The following ZNF777 variants were observed in gnomAD, a reference collection of about 807,000 sequenced individuals.
ZNF777 encodes the protein zinc finger protein 777.
Under a neutral mutation model 72.1 loss-of-function variants are expected in ZNF777, and 7 were observed. The observed-to-expected ratio is 0.10, with a 90% CI of 0.06 to 0.18. ZNF777 has a LOEUF of 0.18. ZNF777 is among the 10% of genes least tolerant of loss of function. The probability of loss-of-function intolerance (pLI) is 1.00; values close to 1 mark genes in which losing one functional copy is unlikely to be tolerated. For missense variants in ZNF777, 828 were observed against 1,128.6 expected (o/e 0.73, Z 3.82); for synonymous variants, 545 against 483.5 (o/e 1.13, Z -1.67).
rs528437544 is a variant in ZNF777 at position 149,436,483 on chromosome 7, T to A, written c.1339+92A>T. 13 of 1,448,962 alleles carry A rather than the reference T, an allele frequency of 9.0e-6. No homozygotes were observed. The Admixed American group carries it at 1.1e-4, about 12-fold the overall frequency. 89.8% of individuals were successfully genotyped at this position (1,448,962 alleles called of 1,614,324 possible). A position where few individuals can be genotyped will look rare whatever the true frequency, so the allele number is the denominator to read the frequency against. ...GTTGCCCCATCAGTGTCCAGCTACC[T>A]CTCTGAAGGAACCACAGCTTTCCCA... is the stretch of plus-strand genomic sequence containing the variant. On this transcript the variant is annotated intron_variant, in intron 5 of 5. Coordinates refer to ENST00000247930, the MANE Select transcript of ZNF777 (RefSeq NM_015694.3). The surrounding 1 kb of genome is among the most constrained non-coding windows in gnomAD (Gnocchi z 5.0).
At position 149,455,939 on chromosome 7, in the gene ZNF777, G is replaced by A. The variant is rs1241734584; in HGVS notation, c.84C>T (p.Pro28=). The A allele has an allele frequency of 3.7e-6, 6 of 1,613,622 alleles. No homozygotes were observed. In the African/African-American group the frequency reaches 8.0e-5, roughly 22 times the overall value. Residue 28 remains proline, a synonymous_variant, in exon 2 of 6, where the codon CCC becomes CCT. Coordinates refer to ENST00000247930, the MANE Select transcript of ZNF777 (RefSeq NM_015694.3). This position sits in a 1 kb window ranked among gnomAD's most constrained non-coding sequence, Gnocchi z 4.2. The part of the protein sequence containing the change: ...ETLRQAPAGL[P]RETLFQSRVL... ...CGCGGGATTGGAACAGAGTTTCTCG[G>A]GGGAGTCCAGCAGGGGCCTGACGTA...
At chr7:149,450,480 C>A (rs1799692691) in intron 4 of ZNF777, among the ~76,000 whole-genome samples, 1 of 152,218 alleles carries the variant, frequency 6.6e-6, no homozygotes, top group Non-Finnish European at 1.5e-5. Flanking sequence ...CAGATACAGT[C>A]AGCCTCACAC....
At chr7:149,459,831 G>A in intron 1 of ZNF777, 1 of 984,812 alleles carries the variant, frequency 1.0e-6, no homozygotes, top group Non-Finnish European at 1.2e-6. Context: ...CGCAGCGCGG[G>A]CCCCGCAGGG....
chr7:149,460,214 G>A lies in ZNF777; in HGVS notation c.-16+601C>T. 1.7e-6 allele frequency: 1 copy of A among 585,276 alleles called. No individual in the cohort carries two copies. The highest frequency in any genetic ancestry group is 2.1e-6 in the Non-Finnish European group (1 of 467,382). 36.3% of individuals were successfully genotyped at this position (585,276 alleles called of 1,614,324 possible). ...TACTGCCGCCGCCGCTACTGCGCGCGGCCCCACGCAGGCCCGGCCGCCCGG... is the reference window on the plus strand; with the variant it reads ...TACTGCCGCCGCCGCTACTGCGCGCAGCCCCACGCAGGCCCGGCCGCCCGG... On this transcript the variant is annotated intron_variant, in intron 1 of 5. Coordinates refer to ENST00000247930, the MANE Select transcript of ZNF777 (RefSeq NM_015694.3). This position sits in a 1 kb window ranked among gnomAD's most constrained non-coding sequence, Gnocchi z 6.1.
intron 4 of ZNF777, among the ~76,000 whole-genome samples, chr7:149,448,563 ATAGT>A (rs1799653548): frequency 9.5e-6 from 1 of 104,760 alleles, no homozygotes; most frequent in South Asian, 3.0e-4. Flanking sequence ...ATATAGTTAT[ATAGT>A]TATACATATA....
intron 4 of ZNF777, among the ~76,000 whole-genome samples, chr7:149,438,133 C>T (rs961369312): frequency 6.6e-6 from 1 of 152,032 alleles, no homozygotes; most frequent in Non-Finnish European, 1.5e-5. Flanking sequence ...CCCGCCTCAG[C>T]CTCCCAAAGT....
At chr7:149,446,612 T>C (rs1276724422) in intron 4 of ZNF777, among the ~76,000 whole-genome samples, 1 of 152,118 alleles carries the variant, frequency 6.6e-6, no homozygotes, top group Non-Finnish European at 1.5e-5. Flanking sequence ...ATAGTTACAT[T>C]TCCCACTTCT....
chr7:149,440,673 GT>G (rs1554493243), intron 4 of ZNF777, among the ~76,000 whole-genome samples: 89 of 39,216 alleles, frequency 2.3e-3, no homozygotes, highest in Middle Eastern at 0.017. Context: ...TTGTTTTTTT[GT>G]TTTTTTTTTT....
At chr7:149,446,281 C>T (rs1345264850) in intron 4 of ZNF777, among the ~76,000 whole-genome samples, 4 of 152,110 alleles carry the variant, frequency 2.6e-5, no homozygotes, top group South Asian at 2.1e-4. Context: ...GAGGCCGAGG[C>T]GGGAAAATCA....
chr7:149,446,277 G>A (rs533168768), intron 4 of ZNF777, among the ~76,000 whole-genome samples: 3 of 152,270 alleles, frequency 2.0e-5, no homozygotes, highest in South Asian at 4.1e-4. Context: ...TGGGGAGGCC[G>A]AGGCGGGAAA....
chr7:149,450,635 C>T (rs553444643), intron 4 of ZNF777, among the ~76,000 whole-genome samples: 3 of 152,334 alleles, frequency 2.0e-5, no homozygotes, highest in Non-Finnish European at 2.9e-5. Flanking sequence ...CCTCCACTGA[C>T]CACCTGCAGG....
intron 5 of ZNF777, among the ~76,000 whole-genome samples, chr7:149,433,557 T>C (rs938290409): frequency 6.6e-6 from 1 of 152,200 alleles, no homozygotes; most frequent in Non-Finnish European, 1.5e-5. Flanking sequence ...TTCCTCACCT[T>C]CCTCCAGAAA....
chr7:149,452,450 A>G (rs1464084784), intron 3 of ZNF777, among the ~76,000 whole-genome samples: 1 of 151,516 alleles, frequency 6.6e-6, no homozygotes, highest in Non-Finnish European at 1.5e-5. Flanking sequence ...CTGACACGGT[A>G]AAACCCTGTC....
In ZNF777 at chr7:149,436,174, C is replaced by T. The variant is rs1054640540; in HGVS notation, c.1339+401G>A. 6.6e-6 allele frequency among the ~76,000 whole-genome samples: 1 copy of T among 152,206 alleles called. No homozygotes were observed. Among genetic ancestry groups the T allele is most frequent in the Non-Finnish European group, 1.5e-5 (1 of 68,044 alleles). On this transcript the variant is annotated intron_variant, in intron 5 of 5. Transcript: ENST00000247930. The surrounding 1 kb of genome is among the most constrained non-coding windows in gnomAD (Gnocchi z 5.0). ...GCTATTGTTATTTGAAAACCATGCT[C>T]TCCAGGGCTGAAATCTTCAAGGTAG...
chr7:149,436,453 C>T lies in ZNF777; in HGVS notation c.1339+122G>A. ...GAGGCCGTGCTTGGTAATTCTTTCC[C>T]ACCTGTTGCCCCATCAGTGTCCAGC... On this transcript the variant is annotated intron_variant, in intron 5 of 5. Transcript: ENST00000247930. The surrounding 1 kb of genome is among the most constrained non-coding windows in gnomAD (Gnocchi z 5.0). 2 of 1,205,562 alleles carry T rather than the reference C, an allele frequency of 1.7e-6. No homozygotes were observed. The highest frequency in any genetic ancestry group is 1.5e-5 in the South Asian group (1 of 66,506). The allele number at this position is 1,205,562 out of a possible 1,614,324, so 74.7% of individuals were successfully genotyped here. A position where few individuals can be genotyped will look rare whatever the true frequency, so the allele number is the denominator to read the frequency against.
chr7:149,448,626 T>C (rs1799660164), intron 4 of ZNF777, among the ~76,000 whole-genome samples: 2 of 141,670 alleles, frequency 1.4e-5, no homozygotes, highest in South Asian at 4.4e-4. Flanking sequence ...AGAATACATA[T>C]ATATTTTAAG....
intron 4 of ZNF777, among the ~76,000 whole-genome samples, chr7:149,445,444 G>C (rs868272469): frequency 5.3e-5 from 8 of 152,100 alleles, no homozygotes; most frequent in African/African-American, 1.9e-4. Flanking sequence ...AGTGCATTTG[G>C]GTGAGGCCTG....
chr7:149,455,539 T>C lies in ZNF777; in HGVS notation c.484A>G (p.Lys162Glu). 5.0e-6 allele frequency: 8 copies of C among 1,613,844 alleles called. No homozygotes were observed. Among genetic ancestry groups the C allele is most frequent in the Non-Finnish European group, 6.8e-6 (8 of 1,179,972 alleles). Residue 162 changes from lysine (K) to glutamate (E), a missense_variant, in exon 2 of 6, where the codon AAG becomes GAG. Physicochemically the swap from Lys to Glu is moderately conservative, Grantham distance 56 (BLOSUM62 1). This residue lies in a region of ZNF777 where 222 missense variants were observed against 211.2 expected (regional missense o/e 1.05). Transcript: ENST00000247930. This position sits in a 1 kb window ranked among gnomAD's most constrained non-coding sequence, Gnocchi z 4.2. ...GAAGAGATCTGGAAAGGGGTGTCCT[T>C]TTGGGAAACCGGGCTCTGGAGCAGC... ...DPLLQSPVSQ[K>E]DTPFQISSAV...
chr7:149,451,217 G>A (rs1268716183), intron 3 of ZNF777, 105 bp from the exon 4 acceptor site: 3 of 1,010,022 alleles, frequency 3.0e-6, no homozygotes, highest in Non-Finnish European at 4.5e-6. Context: ...CTCCTCGACT[G>A]GAGACCACAA....
Sources: gnomAD v4.1 joint callset for allele counts (sites outside exome capture counted in the v4.1 genomes callset) on GRCh38, gnomAD v4.1.1 for gene constraint, gnomAD v4.1.1 regional missense constraint, Gnocchi (gnomAD v3.1) non-coding constraint, MANE v1.5 for transcripts, NCBI Gene and HGNC (gene_info 2026-07-23, HGNC 2026-07-21) for gene names.